NFATC1: variants seen among roughly 807,000 people sequenced by gnomAD.
The protein encoded by NFATC1 is nuclear factor of activated T-cells, cytoplasmic 1.
Under a neutral mutation model 76.0 loss-of-function variants are expected in NFATC1, and 22 were observed. That is an observed-to-expected ratio of 0.29 (90% CI 0.21 to 0.41). NFATC1 has a LOEUF of 0.41. NFATC1 is among the 10% of genes least tolerant of loss of function. The pLI is 1.00. For missense variants in NFATC1, 1,357 were observed against 1,337.7 expected (o/e 1.01, Z -0.23); for synonymous variants, 704 against 613.1 (o/e 1.15, Z -2.19).
intron 1 of NFATC1, among the ~76,000 whole-genome samples, chr18:79,400,806 G>GACCTCCT (rs2085187457): frequency 1.0e-4 from 1 of 10,006 alleles, no homozygotes; most frequent in Non-Finnish European, 2.0e-4. Context: ...CCCGCGTCCC[G>GACCTCCT]CCCTCCCGAC....
intron 2 of NFATC1, among the ~76,000 whole-genome samples, chr18:79,418,213 C>T (rs1034006260): frequency 2.6e-5 from 4 of 152,116 alleles, no homozygotes; most frequent in Non-Finnish European, 5.9e-5. Context: ...GAAGAATCCG[C>T]GTGCTGCCCC....
At chr18:79,417,170 CGGGAGATGGGCTGTGGTGGGAGAT>C (rs1600643914) in intron 2 of NFATC1, among the ~76,000 whole-genome samples, 4 of 31,638 alleles carry the variant, frequency 1.3e-4, no homozygotes, top group Non-Finnish European at 2.5e-4. Context: ...TGGGCTGTGG[CGGGAGATGGGCTGTGGTGGGAGAT>C]GGGAGATGGG....
intron 3 of NFATC1, among the ~76,000 whole-genome samples, chr18:79,447,376 A>C (rs895206030): frequency 6.6e-6 from 1 of 152,198 alleles, no homozygotes; most frequent in African/African-American, 2.4e-5. Flanking sequence ...CTGTGGCTGG[A>C]ACGTGCCTGC....
chr18:79,396,148 C>T lies in NFATC1; in HGVS notation c.-77C>T. ...GGGGCGAGGGCTGTCTTCCCGGAGACCCGACCCCGGCAGCGCGGGGCGGCC... is the reference window on the plus strand; with the variant it reads ...GGGGCGAGGGCTGTCTTCCCGGAGATCCGACCCCGGCAGCGCGGGGCGGCC... On this transcript the variant is annotated 5_prime_UTR_variant, in exon 1 of 10. Coordinates refer to ENST00000427363, the MANE Select transcript of NFATC1 (RefSeq NM_001278669.2). 1.5e-6 allele frequency: 2 copies of T among 1,334,334 alleles called. No homozygotes were observed. The highest frequency in any genetic ancestry group is 9.7e-7 in the Non-Finnish European group (1 of 1,028,694). 82.7% of individuals were successfully genotyped at this position (1,334,334 alleles called of 1,614,324 possible).
chr18:79,468,621 T>G (rs1031726129), intron 8 of NFATC1: 1 of 152,272 alleles, frequency 6.6e-6, no homozygotes, highest in Non-Finnish European at 1.5e-5. Context: ...TTTCTCTGAA[T>G]GTAAACAGCA....
chr18:79,406,722 G>C (rs895374521), intron 1 of NFATC1, among the ~76,000 whole-genome samples: 2 of 152,168 alleles, frequency 1.3e-5, no homozygotes, highest in Non-Finnish European at 2.9e-5. Flanking sequence ...GCACCTCAAC[G>C]GGAACCCCCC....
chr18:79,422,558 A>G (rs2086133375), intron 2 of NFATC1: 1 of 152,216 alleles, frequency 6.6e-6, no homozygotes, highest in African/African-American at 2.4e-5. Context: ...TGCAGCAGCT[A>G]CTGTCCCGGA....
chr18:79,476,570 G>C (rs1348906337), intron 8 of NFATC1, among the ~76,000 whole-genome samples: 2 of 152,190 alleles, frequency 1.3e-5, no homozygotes, highest in Non-Finnish European at 2.9e-5. Context: ...TGCCACCTGA[G>C]ACCCCCATCA....
rs531449949 is a variant in NFATC1 at position 79,396,249 on chromosome 18, C to T, written c.25C>T (p.Pro9Ser). 6 of 1,499,174 alleles carry T rather than the reference C, an allele frequency of 4.0e-6. No individual in the cohort carries two copies. Among genetic ancestry groups the T allele is most frequent in the African/African-American group, 2.9e-5 (2 of 68,962 alleles). 92.9% of individuals were successfully genotyped at this position (1,499,174 alleles called of 1,614,324 possible). ...GATGCCAAGCACCAGCTTTCCAGTC[C>T]CTTCCAAGTTTCCACTTGGCCCTGC... is the stretch of plus-strand genomic sequence containing the variant. MPSTSFPV[P>S]SKFPLGPAAA... The change falls in exon 1 of 10, where the codon CCT becomes TCT. Residue 9 changes from proline (P) to serine (S), a missense_variant. By Grantham distance (74) the Pro-to-Ser change is moderately conservative. Coordinates refer to ENST00000427363, the MANE Select transcript of NFATC1 (RefSeq NM_001278669.2).
At chr18:79,516,855 A>G (rs1386968746) in intron 9 of NFATC1, among the ~76,000 whole-genome samples, 1 of 152,150 alleles carries the variant, frequency 6.6e-6, no homozygotes, top group East Asian at 1.9e-4. Flanking sequence ...CTTTAACCAT[A>G]TTTTTATGTA....
At chr18:79,484,851 G>T (rs1459321613) in intron 8 of NFATC1, among the ~76,000 whole-genome samples, 3 of 152,332 alleles carry the variant, frequency 2.0e-5, no homozygotes, top group South Asian at 2.1e-4. Context: ...CCTGTGCGGG[G>T]GGGGAAGAGG....
intron 6 of NFATC1, 55 bp downstream of exon 6, chr18:79,451,871 C>G: frequency 6.4e-7 from 1 of 1,557,206 alleles, no homozygotes; most frequent in Non-Finnish European, 8.7e-7. Flanking sequence ...TGGTGGGAAC[C>G]GGTTCCCAGT....
intron 1 of NFATC1, among the ~76,000 whole-genome samples, chr18:79,405,123 C>T (rs568467203): frequency 2.6e-4 from 39 of 152,200 alleles, no homozygotes; most frequent in African/African-American, 7.2e-4. Flanking sequence ...ACCTGTGTGT[C>T]GTGGGGCACC....
chr18:79,524,310 C>T lies in NFATC1; in HGVS notation c.2783-3218C>T, dbSNP rs528858352. On this transcript the variant is annotated intron_variant, in intron 9 of 9. Coordinates refer to ENST00000427363, the MANE Select transcript of NFATC1 (RefSeq NM_001278669.2). The surrounding 1 kb of genome is among the most constrained non-coding windows in gnomAD (Gnocchi z 7.2). ...AGGGCTACGGCACAGGCCGTGTCTGCGGGGCGAGCACGGCTCCACGTACGG... is the reference window on the plus strand; with the variant it reads ...AGGGCTACGGCACAGGCCGTGTCTGTGGGGCGAGCACGGCTCCACGTACGG... Among the ~76,000 whole-genome samples the T allele has an allele frequency of 9.4e-4, 143 of 152,352 alleles. No homozygotes were observed. Among genetic ancestry groups the T allele is most frequent in the African/African-American group, 3.0e-3 (124 of 41,584 alleles).
At chr18:79,471,827 CA>C (rs1204098012) in intron 8 of NFATC1, among the ~76,000 whole-genome samples, 1 of 152,338 alleles carries the variant, frequency 6.6e-6, no homozygotes, top group African/African-American at 2.4e-5. Flanking sequence ...GGTCCTTCAC[CA>C]GGGGTGGGCG....
chr18:79,428,449 G>A (rs1482381118), intron 2 of NFATC1, among the ~76,000 whole-genome samples: 2 of 152,200 alleles, frequency 1.3e-5, no homozygotes, highest in Non-Finnish European at 2.9e-5. Flanking sequence ...CCTTTGTGGT[G>A]CCTCCAGGGA....
intron 9 of NFATC1, chr18:79,497,379 C>G (rs568921550): frequency 2.6e-5 from 4 of 152,122 alleles, no homozygotes; most frequent in Non-Finnish European, 2.9e-5. Flanking sequence ...GCTCCAGCCC[C>G]GAGGCGCACA....
Position 79,411,576 on chromosome 18 carries a change from G to A in NFATC1, c.1226+75G>A, listed in dbSNP as rs1478476770. On this transcript the variant is annotated intron_variant, in intron 2 of 9. Coordinates refer to ENST00000427363, the MANE Select transcript of NFATC1 (RefSeq NM_001278669.2). ...CGGGGCGGAACGCGGGGAGCGGGAC[G>A]GGGGGCGGCGCGGGGCGGCCGTGTC... 38 of 1,125,834 alleles carry A rather than the reference G, an allele frequency of 3.4e-5. No individual in the cohort carries two copies. The East Asian group carries it at 7.1e-4, about 21-fold the overall frequency. The allele number at this position is 1,125,834 out of a possible 1,614,324, so 69.7% of individuals were successfully genotyped here.
intron 9 of NFATC1, among the ~76,000 whole-genome samples, chr18:79,515,489 G>T (rs1200482157): frequency 2.0e-5 from 3 of 151,940 alleles, no homozygotes. Flanking sequence ...GCTCGGAGGG[G>T]GCTCGGCTCA....
Sources: gnomAD v4.1 joint callset for allele counts (sites outside exome capture counted in the v4.1 genomes callset) on GRCh38, gnomAD v4.1.1 for gene constraint, Gnocchi (gnomAD v3.1) non-coding constraint, MANE v1.5 for transcripts, NCBI Gene and HGNC (gene_info 2026-07-23, HGNC 2026-07-21) for gene names.